Variants in FBXW2 observed in about 807,000 individuals in gnomAD.
FBXW2 encodes the protein F-box and WD repeat domain containing 2, also known as F-box/WD repeat-containing protein 2.
A neutral mutation model predicts 46.0 loss-of-function variants in FBXW2; 12 were observed. The observed-to-expected ratio is 0.26, with a 90% CI of 0.17 to 0.42. FBXW2 has a LOEUF of 0.42. Ranked by LOEUF, FBXW2 falls within the 10% of genes least tolerant of loss-of-function variation. The pLI is 1.00. For missense variants in FBXW2, 360 were observed against 537.0 expected (o/e 0.67, Z 3.26); for synonymous variants, 203 against 209.6 (o/e 0.97, Z 0.27).
chr9:120,791,393 A>G (rs999007076), intron 2 of FBXW2, among the ~76,000 whole-genome samples: 2 of 152,366 alleles, frequency 1.3e-5, no homozygotes, highest in Non-Finnish European at 2.9e-5. Context: ...CAGATGTTTT[A>G]CTGATTCAGC....
At chr9:120,789,221 A>AG (rs1224696586) in intron 2 of FBXW2, among the ~76,000 whole-genome samples, 1 of 152,248 alleles carries the variant, frequency 6.6e-6, no homozygotes, top group African/African-American at 2.4e-5. Flanking sequence ...AGTGCTCTCA[A>AG]GATCAGGTAC....
At chr9:120,773,665 G>C (rs1282243227) in intron 5 of FBXW2, among the ~76,000 whole-genome samples, 1 of 152,216 alleles carries the variant, frequency 6.6e-6, no homozygotes. Flanking sequence ...CACTCATTCA[G>C]AAGTCTGGAT....
Position 120,763,643 on chromosome 9 carries a change from TG to T in FBXW2, c.*915del, listed in dbSNP as rs1192380074. On this transcript the variant is annotated 3_prime_UTR_variant, in exon 8 of 8. Coordinates refer to ENST00000608872, the MANE Select transcript of FBXW2 (RefSeq NM_012164.4). Reference sequence around the variant, plus strand: ...ATATTATCCGACCTGAAAGAAACCATGAATCAGGGATCAGACAAAAATACAT... The same window carrying T: ...ATATTATCCGACCTGAAAGAAACCATAATCAGGGATCAGACAAAAATACAT... The T allele has an allele frequency of 6.6e-6, 1 of 152,180 alleles. No individual in the cohort carries two copies. The highest frequency in any genetic ancestry group is 1.5e-5 in the Non-Finnish European group (1 of 68,036). The allele number at this position is 152,180 out of a possible 1,614,324, so 9.4% of individuals were successfully genotyped here. A position where few individuals can be genotyped will look rare whatever the true frequency, so the allele number is the denominator to read the frequency against.
At chr9:120,780,595 A>G (rs921082440) in intron 3 of FBXW2, among the ~76,000 whole-genome samples, 2 of 152,162 alleles carry the variant, frequency 1.3e-5, no homozygotes, top group Non-Finnish European at 2.9e-5. Flanking sequence ...GATAGTCTTT[A>G]AGGCCTTCAG....
rs984255547 is a variant in FBXW2, at chr9:120,761,228, A to G, written c.*3331T>C. The G allele has an allele frequency of 6.6e-6, 1 of 152,260 alleles. No homozygotes were observed. Among genetic ancestry groups the G allele is most frequent in the Non-Finnish European group, 1.5e-5 (1 of 68,042 alleles). The allele number at this position is 152,260 out of a possible 1,614,324, so 9.4% of individuals were successfully genotyped here. ...CTTTGGAATGATGACAGAATCTATC[A>G]GAAACTTCACACATCCACTCAGCTC... is the stretch of plus-strand genomic sequence containing the variant. On this transcript the variant is annotated 3_prime_UTR_variant, in exon 8 of 8. Coordinates refer to ENST00000608872, the MANE Select transcript of FBXW2 (RefSeq NM_012164.4).
At chr9:120,793,021 G>A in intron 2 of FBXW2, 128 bp downstream of exon 2, 5 of 1,446,694 alleles carry the variant, frequency 3.5e-6, no homozygotes, top group Non-Finnish European at 1.9e-6. Context: ...CGCAGCTAAG[G>A]AAATGGAGGC....
intron 4 of FBXW2, among the ~76,000 whole-genome samples, chr9:120,777,824 G>C (rs556164440): frequency 1.3e-5 from 2 of 149,942 alleles, no homozygotes; most frequent in East Asian, 4.0e-4. Flanking sequence ...GAAACATTCA[G>C]GTATGTTTCT....
rs1009811595 is a variant in FBXW2, at chr9:120,793,171, G to A, written c.-43C>T. ...GACCTGAGCGAGCGCCCCGGGGCCCGGGACCTCGCGCCGGGTTCACAGCTA... is the reference window on the plus strand; with the variant it reads ...GACCTGAGCGAGCGCCCCGGGGCCCAGGACCTCGCGCCGGGTTCACAGCTA... On this transcript the variant is annotated 5_prime_UTR_variant, in exon 2 of 8. Transcript: ENST00000608872. 5.2e-6 allele frequency: 3 copies of A among 576,476 alleles called. No individual in the cohort carries two copies. Among genetic ancestry groups the A allele is most frequent in the Admixed American group, 6.5e-5 (2 of 30,640 alleles). 35.7% of individuals were successfully genotyped at this position (576,476 alleles called of 1,614,324 possible). A position where few individuals can be genotyped will look rare whatever the true frequency, so the allele number is the denominator to read the frequency against.
intron 2 of FBXW2, among the ~76,000 whole-genome samples, chr9:120,789,699 C>G (rs906935414): frequency 4.6e-5 from 7 of 152,122 alleles, no homozygotes; most frequent in Non-Finnish European, 8.8e-5. Flanking sequence ...TCACCTAGAT[C>G]AGGTCTACAC....
At chr9:120,775,431 A>G (rs1393524308) in intron 5 of FBXW2, among the ~76,000 whole-genome samples, 1 of 152,210 alleles carries the variant, frequency 6.6e-6, no homozygotes, top group Non-Finnish European at 1.5e-5. Flanking sequence ...ATTGTTTAAT[A>G]AAACTATTTC....
intron 6 of FBXW2, 98 bp from the exon 7 acceptor site, chr9:120,771,615 G>C: frequency 9.4e-7 from 1 of 1,066,020 alleles, no homozygotes; most frequent in South Asian, 1.6e-5. Flanking sequence ...GATAGAAAGT[G>C]AAGTATACTG....
At chr9:120,793,296 G>A in intron 1 of FBXW2, 39 bp from the exon 2 acceptor site, 1 of 450,076 alleles carries the variant, frequency 2.2e-6, no homozygotes, top group Non-Finnish European at 3.9e-6. Context: ...CGGCGGGTCA[G>A]CAGAGCCGCG....
chr9:120,765,242 C>T (rs1053486953), intron 7 of FBXW2, among the ~76,000 whole-genome samples: 1 of 152,022 alleles, frequency 6.6e-6, no homozygotes, highest in Non-Finnish European at 1.5e-5. Context: ...CTACAGACGG[C>T]TGCCACTGCA....
chr9:120,771,592 A>C (rs2044375861), intron 6 of FBXW2, 75 bp from the exon 7 acceptor site: 3 of 1,329,336 alleles, frequency 2.3e-6, no homozygotes, highest in Non-Finnish European at 3.1e-6. Context: ...AATGGTCTGC[A>C]TTTGTGAAGT....
intron 4 of FBXW2, among the ~76,000 whole-genome samples, chr9:120,776,977 G>T (rs867078955): frequency 6.6e-6 from 1 of 152,092 alleles, no homozygotes; most frequent in African/African-American, 2.4e-5. Flanking sequence ...CTGCCCAGGG[G>T]TATCAGGGAG....
rs1484101086 is a variant in FBXW2 at position 120,758,285 on chromosome 9, T to C, written c.*6274A>G. 2.0e-5 allele frequency: 3 copies of C among 152,054 alleles called. No homozygotes were observed. The highest frequency in any genetic ancestry group is 4.4e-5 in the Non-Finnish European group (3 of 68,008). 9.4% of individuals were successfully genotyped at this position (152,054 alleles called of 1,614,324 possible). On this transcript the variant is annotated 3_prime_UTR_variant, in exon 8 of 8. Transcript: ENST00000608872. Reference sequence around the variant, plus strand: ...GCCCTAGGACTGGTGGAAAGGAACATCAAGAACTTTCCACGAGGATGGGAG... The same window carrying C: ...GCCCTAGGACTGGTGGAAAGGAACACCAAGAACTTTCCACGAGGATGGGAG...
intron 4 of FBXW2, among the ~76,000 whole-genome samples, chr9:120,776,959 G>A (rs749234076): frequency 6.6e-6 from 1 of 152,086 alleles, no homozygotes; most frequent in Non-Finnish European, 1.5e-5. Flanking sequence ...CAAGGAGAAT[G>A]ACTAACTCTG....
intron 3 of FBXW2, among the ~76,000 whole-genome samples, chr9:120,784,235 T>C (rs1004006070): frequency 6.6e-6 from 1 of 152,170 alleles, no homozygotes; most frequent in African/African-American, 2.4e-5. Context: ...CAGTGAATAT[T>C]TCCCATTTAC....
chr9:120,783,817 T>C (rs534610394), intron 3 of FBXW2, among the ~76,000 whole-genome samples: 2 of 152,330 alleles, frequency 1.3e-5, no homozygotes, highest in Non-Finnish European at 2.9e-5. Flanking sequence ...CAGAAATAAA[T>C]TGCGAAAGAG....
Sources: gnomAD v4.1 joint callset for allele counts (sites outside exome capture counted in the v4.1 genomes callset) on GRCh38, gnomAD v4.1.1 for gene constraint, MANE v1.5 for transcripts, NCBI Gene and HGNC (gene_info 2026-07-23, HGNC 2026-07-21) for gene names.